Variants in PAQR3 observed in about 807,000 individuals in gnomAD.
PAQR3 encodes Raf kinase trapping to Golgi.
Under a neutral mutation model 41.7 loss-of-function variants are expected in PAQR3, and 39 were observed. That is an observed-to-expected ratio of 0.93 (90% confidence interval 0.72 to 1.22). PAQR3 has a LOEUF of 1.22. Among genes scored for constraint, PAQR3 ranks in the 50% most tolerant of loss-of-function variants. The probability of loss-of-function intolerance (pLI) is 0.00; values close to 1 mark genes in which losing one functional copy is unlikely to be tolerated. For synonymous variants in PAQR3, 140 were observed against 140.6 expected (o/e 1.00, Z 0.03); for missense variants, 366 against 385.6 (o/e 0.95, Z 0.42).
At chr4:78,922,543 A>T (rs2867496) in intron 5 of PAQR3, 1 of 826,888 alleles carries the variant, frequency 1.2e-6, no homozygotes, top group Non-Finnish European at 1.7e-6. Context: ...TTTCTGACCC[A>T]TGCCAAAACT....
Position 78,919,312 on chromosome 4 carries a change from G to GT in PAQR3, c.*1226dup, listed in dbSNP as rs1401066856. 2.0e-6 allele frequency: 2 copies of GT among 983,696 alleles called. No individual in the cohort carries two copies. Among genetic ancestry groups the GT allele is most frequent in the Admixed American group, 6.2e-5 (1 of 16,180 alleles). 60.9% of individuals were successfully genotyped at this position (983,696 alleles called of 1,614,324 possible). On this transcript the variant is annotated 3_prime_UTR_variant, in exon 6 of 6. Coordinates refer to ENST00000512733, the MANE Select transcript of PAQR3 (RefSeq NM_001040202.2). Reference sequence around the variant, plus strand: ...AATATTTTATACTCCAATAAACAATGTAAGTTTTTATGAATGTCTACTTTA... The same window carrying GT: ...AATATTTTATACTCCAATAAACAATGTTAAGTTTTTATGAATGTCTACTTTA...
chr4:78,896,857 A>T (rs1259451440), intron 11 of PAQR3, among the ~76,000 whole-genome samples: 1 of 152,178 alleles, frequency 6.6e-6, no homozygotes, highest in South Asian at 2.1e-4. Flanking sequence ...CATTATTCCT[A>T]GAGGAGGACT....
chr4:78,905,149 T>C (rs1271458931), intron 11 of PAQR3, among the ~76,000 whole-genome samples: 1 of 151,890 alleles, frequency 6.6e-6, no homozygotes, highest in African/African-American at 2.4e-5. Context: ...TCTCAATTAA[T>C]TGATTAACCC....
At chr4:78,904,853 T>C (rs890451990) in intron 11 of PAQR3, among the ~76,000 whole-genome samples, 2 of 151,934 alleles carry the variant, frequency 1.3e-5, no homozygotes, top group African/African-American at 4.8e-5. Flanking sequence ...AAGTCTATGA[T>C]TTTATTATTT....
intron 2 of PAQR3, among the ~76,000 whole-genome samples, chr4:78,930,886 A>G (rs1306312545): frequency 2.4e-4 from 1 of 4,086 alleles, no homozygotes; most frequent in African/African-American, 1.0e-3. Context: ...CACATTATAT[A>G]TATATATATA....
Position 78,930,330 on chromosome 4 carries a change from G to T in PAQR3, c.349-5C>A. On this transcript the variant is annotated splice_region_variant and splice_polypyrimidine_tract_variant and intron_variant, in intron 2 of 5. Transcript: ENST00000512733. ...CACAGAGCAAAGCATACAGACCTGT[G>T]AAAAATAAAAACAAATTAACAAAGT... 2 of 1,586,980 alleles carry T rather than the reference G, an allele frequency of 1.3e-6. No individual in the cohort carries two copies. The highest frequency in any genetic ancestry group is 4.5e-5 in the East Asian group (2 of 44,412).
chr4:78,904,584 C>T (rs1269155748), intron 11 of PAQR3, among the ~76,000 whole-genome samples: 2 of 151,924 alleles, frequency 1.3e-5, no homozygotes, highest in Non-Finnish European at 2.9e-5. Flanking sequence ...TCACCTTATT[C>T]TCAGAATTTA....
Position 78,939,226 on chromosome 4 carries a change from G to C in PAQR3, c.-2C>G. Reference sequence around the variant, plus strand: ...GCTCTTCAGCAGCTTCTGATGCATCGTTCCCGGCCGCCGCCGCTCCCCGGC... The same window carrying C: ...GCTCTTCAGCAGCTTCTGATGCATCCTTCCCGGCCGCCGCCGCTCCCCGGC... On this transcript the variant is annotated 5_prime_UTR_variant, in exon 1 of 6. Coordinates refer to ENST00000512733, the MANE Select transcript of PAQR3 (RefSeq NM_001040202.2). The C allele has an allele frequency of 1.9e-6, 3 of 1,577,244 alleles. No homozygotes were observed. Among genetic ancestry groups the C allele is most frequent in the African/African-American group, 1.4e-5 (1 of 71,494 alleles).
chr4:78,892,183 A>G (rs893649713), intron 11 of PAQR3, among the ~76,000 whole-genome samples: 2 of 152,194 alleles, frequency 1.3e-5, no homozygotes, highest in Non-Finnish European at 2.9e-5. Context: ...CTAAATATTT[A>G]GAATTCACCT....
chr4:78,899,543 A>C (rs1332027597), intron 11 of PAQR3, among the ~76,000 whole-genome samples: 1 of 152,176 alleles, frequency 6.6e-6, no homozygotes, highest in African/African-American at 2.4e-5. Context: ...GATGAGAAGA[A>C]GAAAATTCAG....
intron 3 of PAQR3, among the ~76,000 whole-genome samples, chr4:78,929,588 T>G (rs993896681): frequency 6.6e-6 from 1 of 152,218 alleles, no homozygotes; most frequent in African/African-American, 2.4e-5. Flanking sequence ...AAAGCAGAGT[T>G]GATCCAGAAT....
In PAQR3 at chr4:78,919,062, G is replaced by A. The variant is rs1735390233; in HGVS notation, c.*1477C>T. On this transcript the variant is annotated 3_prime_UTR_variant, in exon 6 of 6. Transcript: ENST00000512733. Reference sequence around the variant, plus strand: ...TTGCTGAGATACTATACTAGCATGGGGAATTTATATTCCAAAAACACTACA... The same window carrying A: ...TTGCTGAGATACTATACTAGCATGGAGAATTTATATTCCAAAAACACTACA... The A allele has an allele frequency of 2.0e-6, 2 of 984,714 alleles. No individual in the cohort carries two copies. Among genetic ancestry groups the A allele is most frequent in the East Asian group, 1.1e-4 (1 of 8,816 alleles). The allele number at this position is 984,714 out of a possible 1,614,324, so 61.0% of individuals were successfully genotyped here.
Position 78,918,754 on chromosome 4 carries a change from G to T in PAQR3, c.*1785C>A. ...AAAATGGCTCCACACCTAAAATAAT[G>T]ATTTTCCCCTCATTTTTAACTTAAG... On this transcript the variant is annotated 3_prime_UTR_variant, in exon 6 of 6. Coordinates refer to ENST00000512733, the MANE Select transcript of PAQR3 (RefSeq NM_001040202.2). 1.0e-6 allele frequency: 1 copy of T among 981,832 alleles called. No homozygotes were observed. Among genetic ancestry groups the T allele is most frequent in the South Asian group, 4.7e-5 (1 of 21,196 alleles). 60.8% of individuals were successfully genotyped at this position (981,832 alleles called of 1,614,324 possible). A position where few individuals can be genotyped will look rare whatever the true frequency, so the allele number is the denominator to read the frequency against.
Position 78,898,657 on chromosome 4 carries a change from C to CA in PAQR3, c.*836+7450dup, listed in dbSNP as rs76934935. Among the ~76,000 whole-genome samples the CA allele has an allele frequency of 1.7e-3, 207 of 121,178 alleles. 1 individual carries two copies. The highest frequency in any genetic ancestry group is 0.017 in the Middle Eastern group (4 of 240). The allele number at this position is 121,178 out of a possible 152,430, so 79.5% of individuals were successfully genotyped here. ...TGGGCGACAGAGCGAGACTCCATCTCAAAAAAAAAAAAAGACCATTGCTCC... is the reference window on the plus strand; with the variant it reads ...TGGGCGACAGAGCGAGACTCCATCTCAAAAAAAAAAAAAAGACCATTGCTCC... On this transcript the variant is annotated intron_variant and NMD_transcript_variant, in intron 11 of 12. Coordinates refer to the PAQR3 transcript ENST00000342820.
At position 78,939,342 on chromosome 4, in the gene PAQR3, T is replaced by C; in HGVS notation, c.-118A>G. ...AGCCCGCGGACGCTGCGCGAGGTCC[T>C]ACCGCGCTGCCGCTGCTGCCCAGGG... On this transcript the variant is annotated 5_prime_UTR_variant, in exon 1 of 6. Transcript: ENST00000512733. 2 of 903,726 alleles carry C rather than the reference T, an allele frequency of 2.2e-6. No homozygotes were observed. The highest frequency in any genetic ancestry group is 1.8e-5 in the African/African-American group (1 of 55,820). The allele number at this position is 903,726 out of a possible 1,614,324, so 56.0% of individuals were successfully genotyped here.
chr4:78,911,356 T>A, downstream of PAQR3: 1 of 1,613,656 alleles, frequency 6.2e-7, no homozygotes, highest in South Asian at 1.1e-5. Context: ...CTCCACTCCA[T>A]TTCAGCCCTT....
intron 11 of PAQR3, among the ~76,000 whole-genome samples, chr4:78,896,807 C>CCTTACACATGAACA (rs1733728882): frequency 6.6e-6 from 1 of 152,050 alleles, no homozygotes; most frequent in Non-Finnish European, 1.5e-5. Flanking sequence ...TTAAATAATT[C>CCTTACACATGAACA]TTTATTGAAT....
Position 78,926,675 on chromosome 4 carries a change from A to T in PAQR3, c.548T>A (p.Leu183Gln). The T allele has an allele frequency of 6.2e-7, 1 of 1,614,092 alleles. No individual in the cohort carries two copies. The highest frequency in any genetic ancestry group is 1.1e-5 in the South Asian group (1 of 91,078). Residue 183 changes from leucine (L) to glutamine (Q), a missense_variant, in exon 4 of 6, where the codon CTG (leucine) becomes CAG (glutamine). Leu to Gln is a moderately radical substitution (Grantham distance 113, BLOSUM62 -2). Coordinates refer to ENST00000512733, the MANE Select transcript of PAQR3 (RefSeq NM_001040202.2). ...VYLITVLAMI[L>Q]AVFFAQIHPN... ...ATGAATCTGCGCAAAGAACACTGCC[A>T]GGATCATAGCAAGCACTGTGATCAA...
chr4:78,918,654 A>T lies in PAQR3; in HGVS notation c.*1885T>A. ...TTATTAATTCAAATGGCAAGTATGT[A>T]TTCATATACTAATACAGGGACTGCA... On this transcript the variant is annotated 3_prime_UTR_variant, in exon 6 of 6. Coordinates refer to ENST00000512733, the MANE Select transcript of PAQR3 (RefSeq NM_001040202.2). The T allele has an allele frequency of 1.1e-6, 1 of 945,506 alleles. No homozygotes were observed. The highest frequency in any genetic ancestry group is 1.3e-6 in the Non-Finnish European group (1 of 793,500). The allele number at this position is 945,506 out of a possible 1,614,324, so 58.6% of individuals were successfully genotyped here.
Sources: allele counts gnomAD v4.1 joint callset (sites outside exome capture counted in the v4.1 genomes callset), GRCh38; gene constraint gnomAD v4.1.1; transcripts MANE v1.5; gene names NCBI Gene and HGNC (gene_info 2026-07-23, HGNC 2026-07-21).